Variants in CFAP141 observed in about 807,000 individuals in gnomAD.
The protein encoded by CFAP141 is cilia- and flagella-associated protein 141.
At chr1:154,201,560 G>GT in the CFAP141 span, among the ~76,000 whole-genome samples, 2 of 151,524 alleles carry the variant, frequency 1.3e-5, no homozygotes, top group African/African-American at 4.9e-5. Flanking sequence ...GCTAATTTTT[G>GT]TATTTTTAGT....
the CFAP141 span, chr1:154,199,425 C>T: frequency 6.3e-7 from 1 of 1,596,084 alleles, no homozygotes; most frequent in Non-Finnish European, 8.6e-7. Context: ...TTTTGGATGC[C>T]ATCAGAATCT....
the CFAP141 span, among the ~76,000 whole-genome samples, chr1:154,201,518 G>A: frequency 6.6e-6 from 1 of 151,918 alleles, no homozygotes; most frequent in South Asian, 2.1e-4. Context: ...CTCCTGAGTC[G>A]CTGGGACTAC....
the CFAP141 span, among the ~76,000 whole-genome samples, chr1:154,206,017 G>C: frequency 3.3e-5 from 5 of 152,054 alleles, no homozygotes; most frequent in Non-Finnish European, 7.4e-5. Flanking sequence ...AGACCTTTTT[G>C]AGAAAGCAAT....
chr1:154,205,591 A>C, the CFAP141 span: 1 of 1,613,682 alleles, frequency 6.2e-7, no homozygotes, highest in Non-Finnish European at 8.5e-7. Context: ...GGATAGAAGC[A>C]GATTACCTGT....
At chr1:154,203,217 A>G in the CFAP141 span, among the ~76,000 whole-genome samples, 43 of 59,808 alleles carry the variant, frequency 7.2e-4, 2 homozygotes, top group Admixed American at 7.4e-4. Context: ...ATATATATAT[A>G]TATATATATA....
the CFAP141 span, chr1:154,200,679 C>T: frequency 7.2e-7 from 1 of 1,382,262 alleles, no homozygotes; most frequent in Non-Finnish European, 9.9e-7. Context: ...TTTCTTTTTT[C>T]TTTTTCTTTT....
the CFAP141 span, among the ~76,000 whole-genome samples, chr1:154,202,888 A>C: frequency 2.6e-5 from 4 of 151,948 alleles, no homozygotes; most frequent in Admixed American, 2.0e-4. Flanking sequence ...CGGGAGGCTG[A>C]GGCGGGCAGA....
the CFAP141 span, chr1:154,200,569 G>A: frequency 4.3e-6 from 7 of 1,614,184 alleles, no homozygotes; most frequent in South Asian, 1.1e-5. Flanking sequence ...CACAGACAGT[G>A]AGTATGTGAA....
chr1:154,201,809 C>T, the CFAP141 span, among the ~76,000 whole-genome samples: 180 of 151,954 alleles, frequency 1.2e-3, 1 homozygote, highest in Middle Eastern at 0.014. Flanking sequence ...CTCGCTCAGT[C>T]GCCCAGGCCA....
At chr1:154,206,117 AC>A in the CFAP141 span, among the ~76,000 whole-genome samples, 1 of 152,170 alleles carries the variant, frequency 6.6e-6, no homozygotes, top group African/African-American at 2.4e-5. Flanking sequence ...ATATTTGAAT[AC>A]CTACTGTGTA....
the CFAP141 span, among the ~76,000 whole-genome samples, chr1:154,203,560 C>G: frequency 6.6e-6 from 1 of 151,866 alleles, no homozygotes; most frequent in East Asian, 2.0e-4. Context: ...GTCTAAATAG[C>G]CAGGACAACA....
chr1:154,205,708 CCT>C, the CFAP141 span: 3 of 1,427,162 alleles, frequency 2.1e-6, no homozygotes, highest in African/African-American at 2.8e-5. Context: ...GAGACATAGA[CCT>C]TTTTTTTTTT....
chr1:154,205,683 C>T, the CFAP141 span: 1 of 1,577,596 alleles, frequency 6.3e-7, no homozygotes, highest in African/African-American at 1.3e-5. Context: ...GTCTCCAGAA[C>T]CTCTATTCTA....
At chr1:154,199,515 G>T in the CFAP141 span, 1 of 1,610,122 alleles carries the variant, frequency 6.2e-7, no homozygotes, top group African/African-American at 1.3e-5. Context: ...CTGGTGCAGG[G>T]CAGCTTGACG....
chr1:154,200,495 T>C, the CFAP141 span: 1 of 1,614,234 alleles, frequency 6.2e-7, no homozygotes, highest in Non-Finnish European at 8.5e-7. Flanking sequence ...CCAATTCCTG[T>C]ACCATGGTGT....
chr1:154,205,757 T>G, the CFAP141 span: 7 of 858,082 alleles, frequency 8.2e-6, no homozygotes, highest in South Asian at 8.9e-5. Context: ...CAGGCCAGAG[T>G]GCAGTGGCGT....
the CFAP141 span, chr1:154,200,692 T>G: frequency 1.5e-6 from 2 of 1,316,902 alleles, no homozygotes; most frequent in East Asian, 2.3e-5. Context: ...TTTCTTTTCT[T>G]TTTTTTTGAG....
chr1:154,203,172 AATATATATATATATATATAT>A, the CFAP141 span, among the ~76,000 whole-genome samples: 161 of 29,514 alleles, frequency 5.5e-3, 1 homozygote, highest in African/African-American at 0.015. Flanking sequence ...TGACTGGGCA[AATATATATATATATATATAT>A]ATATATATAT....
the CFAP141 span, chr1:154,205,492 G>T: frequency 6.7e-6 from 7 of 1,040,104 alleles, 1 homozygote; most frequent in Non-Finnish European, 1.1e-5. Context: ...TTTTCCTCTT[G>T]ATGAGCCCCT....
Sources: gnomAD v4.1 joint callset for allele counts (sites outside exome capture counted in the v4.1 genomes callset) on GRCh38, gnomAD v4.1.1 for gene constraint, MANE v1.5 for transcripts, NCBI Gene and HGNC (gene_info 2026-07-23, HGNC 2026-07-21) for gene names.